Variants in HSF2 observed in about 807,000 individuals in gnomAD.
The protein encoded by HSF2 is heat shock transcription factor 2.
In HSF2, 21 loss-of-function variants were observed where a neutral mutation model predicts 65.0. The ratio of observed to expected loss-of-function variants is 0.32; its 90% CI spans 0.23 to 0.47. The LOEUF is 0.47. Ranked by LOEUF, HSF2 falls within the 20% of genes least tolerant of loss-of-function variation. HSF2 has a pLI of 1.00. For synonymous variants in HSF2, 225 were observed against 219.1 expected, an observed-to-expected ratio of 1.03 and a Z score of -0.24; for missense variants, 499 against 628.1, an observed-to-expected ratio of 0.79 and a Z score of 2.20.
Position 122,431,947 on chromosome 6 carries a change from C to A in HSF2, c.1338C>A (p.Thr446=). The A allele has an allele frequency of 6.2e-7, 1 of 1,613,636 alleles. No individual in the cohort carries two copies. Among genetic ancestry groups the A allele is most frequent in the Non-Finnish European group, 8.5e-7 (1 of 1,179,798 alleles). The change falls in exon 13 of 13, where the codon ACC becomes ACA. Residue 446 remains threonine, a synonymous_variant. Coordinates refer to ENST00000368455, the MANE Select transcript of HSF2 (RefSeq NM_004506.4). ...TAGATAAGCAGCTTATCCAGTATAC[C>A]GCCTTTCCACTTCTTGCATTCCTCG... The part of the protein sequence containing the change: ...SKPDKQLIQY[T]AFPLLAFLDG...
At chr6:122,422,001 A>G (rs1774245354) in intron 7 of HSF2, 149 bp from the exon 8 acceptor site, 1 of 601,288 alleles carries the variant, frequency 1.7e-6, no homozygotes, top group Non-Finnish European at 2.9e-6. Flanking sequence ...ACCAATTATT[A>G]TGTAAGTTCC....
intron 1 of HSF2, among the ~76,000 whole-genome samples, chr6:122,407,205 C>T (rs1364516614): frequency 6.6e-6 from 1 of 152,198 alleles, no homozygotes; most frequent in Non-Finnish European, 1.5e-5. Flanking sequence ...AAGAGATCAA[C>T]TGTGTCACAT....
intron 1 of HSF2, among the ~76,000 whole-genome samples, chr6:122,407,033 A>C (rs1315006041): frequency 6.6e-6 from 1 of 152,194 alleles, no homozygotes; most frequent in Non-Finnish European, 1.5e-5. Flanking sequence ...ACTTAATGAA[A>C]TCATCTTCTG....
At position 122,412,833 on chromosome 6, in the gene HSF2, C is replaced by T. The variant is rs554990596; in HGVS notation, c.330+69C>T. ...GTGTGCTTGGCCAAGATTTTTATTT[C>T]AGCTGTTGAAAGTACAGAAATGCAC... On this transcript the variant is annotated intron_variant, in intron 3 of 12. Coordinates refer to ENST00000368455, the MANE Select transcript of HSF2 (RefSeq NM_004506.4). The T allele has an allele frequency of 1.8e-5, 26 of 1,459,654 alleles. No homozygotes were observed. In the East Asian group the frequency reaches 5.7e-4, roughly 32 times the overall value. The allele number at this position is 1,459,654 out of a possible 1,614,324, so 90.4% of individuals were successfully genotyped here. A position where few individuals can be genotyped will look rare whatever the true frequency, so the allele number is the denominator to read the frequency against.
In HSF2 at chr6:122,413,562, A is replaced by G; in HGVS notation, c.368A>G (p.Gln123Arg). ...AAACCAGAAGAAAATAAAATTCGTC[A>G]GGAAGATTTAACAAAAATTATAAGT... ...SSKPEENKIR[Q>R]EDLTKIISSA... The change falls in exon 4 of 13, where the codon CAG becomes CGG. Residue 123 changes from glutamine (Q) to arginine (R), a missense_variant. By Grantham distance (43) the Gln-to-Arg change is conservative. Around this residue, in one of 2 missense-constraint regions of HSF2, gnomAD observed 150 missense variants for 234.6 expected, o/e 0.64. Transcript: ENST00000368455. 1 of 1,589,096 alleles carries G rather than the reference A, an allele frequency of 6.3e-7. No individual in the cohort carries two copies. Among genetic ancestry groups the G allele is most frequent in the Non-Finnish European group, 8.6e-7 (1 of 1,158,402 alleles).
rs1774493362 is a variant in HSF2 at position 122,432,299 on chromosome 6, T to C, written c.*79T>C. On this transcript the variant is annotated 3_prime_UTR_variant, in exon 13 of 13. Transcript: ENST00000368455. ...TATTTTAAAGTATCATTTGGTACTT[T>C]TTTTGTAAATTGCTTTGTTTTGTTT... is the stretch of plus-strand genomic sequence containing the variant. 1 of 1,227,582 alleles carries C rather than the reference T, an allele frequency of 8.1e-7. No homozygotes were observed. The highest frequency in any genetic ancestry group is 1.5e-5 in the African/African-American group (1 of 65,586). The allele number at this position is 1,227,582 out of a possible 1,614,324, so 76.0% of individuals were successfully genotyped here. A position where few individuals can be genotyped will look rare whatever the true frequency, so the allele number is the denominator to read the frequency against.
chr6:122,410,498 C>T (rs117673633), intron 1 of HSF2, among the ~76,000 whole-genome samples: 1,784 of 151,864 alleles, frequency 0.012, 12 homozygotes, highest in Non-Finnish European at 0.02. Flanking sequence ...GCAACCATTA[C>T]CACCATCCAT....
intron 1 of HSF2, among the ~76,000 whole-genome samples, chr6:122,406,483 A>G (rs933044802): frequency 1.3e-5 from 2 of 152,106 alleles, no homozygotes; most frequent in African/African-American, 4.8e-5. Context: ...GAAGATTGGA[A>G]ATGAGGGGAC....
chr6:122,421,258 A>G (rs1453082858), intron 7 of HSF2, among the ~76,000 whole-genome samples: 1 of 151,868 alleles, frequency 6.6e-6, no homozygotes, highest in Admixed American at 6.6e-5. Flanking sequence ...GATCTTTTTT[A>G]TTATCTTTTT....
intron 7 of HSF2, among the ~76,000 whole-genome samples, chr6:122,421,043 A>G (rs935118758): frequency 6.6e-6 from 1 of 151,952 alleles, no homozygotes; most frequent in East Asian, 1.9e-4. Context: ...ATAATTGAAT[A>G]TTTTGAAAAT....
chr6:122,399,666 G>C lies in HSF2; in HGVS notation c.-72G>C, dbSNP rs1225434602. On this transcript the variant is annotated 5_prime_UTR_variant, in exon 1 of 13. Coordinates refer to ENST00000368455, the MANE Select transcript of HSF2 (RefSeq NM_004506.4). ...GCGTTGTGGGCGTTCTCGGGGAGCT[G>C]CTGCCGTAGCTGCCGCCGCCGCTAC... 7.8e-7 allele frequency: 1 copy of C among 1,274,848 alleles called. No individual in the cohort carries two copies. Among genetic ancestry groups the C allele is most frequent in the African/African-American group, 1.5e-5 (1 of 66,788 alleles). 79.0% of individuals were successfully genotyped at this position (1,274,848 alleles called of 1,614,324 possible).
In HSF2 at chr6:122,423,053, GA is replaced by G. The variant is rs1305904548; in HGVS notation, c.1070+98del. 20 of 1,329,918 alleles carry G rather than the reference GA, an allele frequency of 1.5e-5. No homozygotes were observed. The South Asian group carries it at 2.4e-4, about 16-fold the overall frequency. 82.4% of individuals were successfully genotyped at this position (1,329,918 alleles called of 1,614,324 possible). On this transcript the variant is annotated intron_variant, in intron 9 of 12. Transcript: ENST00000368455. ...TTGAGTAATCTTCCTTTCAGATGAT[GA>G]ACCCACATAGTCCACCTTTCTCTGT... is the stretch of plus-strand genomic sequence containing the variant.
chr6:122,407,758 A>T (rs1582606951), intron 1 of HSF2, among the ~76,000 whole-genome samples: 1 of 152,172 alleles, frequency 6.6e-6, no homozygotes, highest in Non-Finnish European at 1.5e-5. Context: ...ATCTTACGTC[A>T]CAAGTACGTG....
chr6:122,400,660 A>T (rs1773707729), intron 1 of HSF2, among the ~76,000 whole-genome samples: 1 of 152,208 alleles, frequency 6.6e-6, no homozygotes, highest in Admixed American at 6.5e-5. Flanking sequence ...CATAAGATGG[A>T]TGGGTTGCCT....
intron 10 of HSF2, among the ~76,000 whole-genome samples, chr6:122,423,888 G>A (rs1774289366): frequency 6.6e-6 from 1 of 152,106 alleles, no homozygotes; most frequent in African/African-American, 2.4e-5. Context: ...CCTTGGAGTA[G>A]CAATTGAACT....
Position 122,432,323 on chromosome 6 carries a change from T to TA in HSF2, c.*103_*104insA, listed in dbSNP as rs1449431498. On this transcript the variant is annotated 3_prime_UTR_variant, in exon 13 of 13. Coordinates refer to ENST00000368455, the MANE Select transcript of HSF2 (RefSeq NM_004506.4). ...TTTTTTGTAAATTGCTTTGTTTTGTTTAATCAGATACTGTGGAATAAAAGC... is the reference window on the plus strand; with the variant it reads ...TTTTTTGTAAATTGCTTTGTTTTGTTATAATCAGATACTGTGGAATAAAAGC... The TA allele has an allele frequency of 3.0e-5, 29 of 956,844 alleles. No homozygotes were observed. Among genetic ancestry groups the TA allele is most frequent in the Non-Finnish European group, 4.5e-5 (29 of 637,632 alleles). 59.3% of individuals were successfully genotyped at this position (956,844 alleles called of 1,614,324 possible).
At chr6:122,400,188 G>A (rs912394503) in intron 1 of HSF2, among the ~76,000 whole-genome samples, 2 of 152,100 alleles carry the variant, frequency 1.3e-5, no homozygotes, top group Non-Finnish European at 1.5e-5. Flanking sequence ...CTCATCCTCC[G>A]TCCTCCCGCC....
intron 4 of HSF2, among the ~76,000 whole-genome samples, chr6:122,415,370 CAATTCTCTGT>C (rs1774101000): frequency 6.6e-6 from 1 of 151,896 alleles, no homozygotes; most frequent in Non-Finnish European, 1.5e-5. Flanking sequence ...CAGTTCCCCT[CAATTCTCTGT>C]ACCTCAGTGT....
At chr6:122,405,187 A>C (rs1331492237) in intron 1 of HSF2, among the ~76,000 whole-genome samples, 2 of 148,856 alleles carry the variant, frequency 1.3e-5, no homozygotes, top group Non-Finnish European at 3.0e-5. Context: ...GGGGAGGCTG[A>C]GTTGGGAGGA....
Sources: gnomAD v4.1 joint callset for allele counts (sites outside exome capture counted in the v4.1 genomes callset) on GRCh38, gnomAD v4.1.1 for gene constraint, gnomAD v4.1.1 regional missense constraint, MANE v1.5 for transcripts, NCBI Gene and HGNC (gene_info 2026-07-23, HGNC 2026-07-21) for gene names.